ZBED6: variants seen among roughly 807,000 people sequenced by gnomAD.
The protein encoded by ZBED6 is zinc finger BED-type containing 6.
In ZBED6, 40 loss-of-function variants were observed where a neutral mutation model predicts 58.4. That is an observed-to-expected ratio of 0.68 (90% CI 0.53 to 0.89). ZBED6 has a LOEUF of 0.89. Among genes scored for constraint, ZBED6 ranks in the 40% least tolerant of loss-of-function variants. The pLI, the probability that ZBED6 is intolerant of heterozygous loss-of-function variation, is 0.00. For synonymous variants in ZBED6, 439 were observed against 350.6 expected (o/e 1.25, Z -2.82); for missense variants, 1,057 against 1,003.9 (o/e 1.05, Z -0.71).
intron 11 of ZBED6, among the ~76,000 whole-genome samples, chr1:203,842,869 T>C (rs1206192097): frequency 6.6e-6 from 1 of 151,594 alleles, no homozygotes; most frequent in East Asian, 1.9e-4. Flanking sequence ...CATAAGTATA[T>C]ATATGTACAG....
chr1:203,799,103 TAC>T lies in ZBED6; in HGVS notation c.1583_1584del (p.Thr528ArgfsTer4), dbSNP rs751095538. ...TTAGAAAGTGGGCAGTGCTTTGTGTTACAGGTTTGGCTAAAGACTGTTTGATA... is the reference window on the plus strand; with the variant it reads ...TTAGAAAGTGGGCAGTGCTTTGTGTTAGGTTTGGCTAAAGACTGTTTGATA... On this transcript the variant is annotated frameshift_variant, in exon 1 of 17. Transcript: ENST00000550078. LOFTEE classifies it high-confidence loss of function. 4 of 1,535,566 alleles carry T rather than the reference TAC, an allele frequency of 2.6e-6. No individual in the cohort carries two copies. Among genetic ancestry groups the T allele is most frequent in the Non-Finnish European group, 3.5e-6 (4 of 1,146,358 alleles).
chr1:203,831,611 A>G, intron 7 of ZBED6, 50 bp from the exon 8 acceptor site: 1 of 1,520,832 alleles, frequency 6.6e-7, no homozygotes, highest in Non-Finnish European at 9.0e-7. Context: ...GACTTGGGAT[A>G]GCATTATTTT....
chr1:203,826,200 A>C (rs1243602762), intron 3 of ZBED6, among the ~76,000 whole-genome samples: 1 of 152,196 alleles, frequency 6.6e-6, no homozygotes. Context: ...AATTCTTCCT[A>C]GTTCTTTGAA....
Position 203,847,691 on chromosome 1 carries a change from A to G in ZBED6, c.*4245+4A>G. ...CTGCGAATCACCAAAAGAACAGGTA[A>G]CAAGAGAACTTGGTCTCTAGTACCA... On this transcript the variant is annotated splice_donor_region_variant and intron_variant, in intron 12 of 16. Coordinates refer to ENST00000550078, the Ensembl canonical transcript of ZBED6. The G allele has an allele frequency of 1.2e-6, 2 of 1,610,578 alleles. No homozygotes were observed. Among genetic ancestry groups the G allele is most frequent in the Non-Finnish European group, 1.7e-6 (2 of 1,179,250 alleles).
At chr1:203,845,714 A>C (rs1260871252) in intron 11 of ZBED6, among the ~76,000 whole-genome samples, 3 of 152,024 alleles carry the variant, frequency 2.0e-5, no homozygotes, top group Non-Finnish European at 2.9e-5. Flanking sequence ...AAAATACAAA[A>C]ATTAGCCAGG....
chr1:203,833,191 A>C (rs1682974161), intron 8 of ZBED6, among the ~76,000 whole-genome samples: 1 of 152,080 alleles, frequency 6.6e-6, no homozygotes, highest in African/African-American at 2.4e-5. Context: ...AACGCGGTGA[A>C]ACCTTGTCTC....
chr1:203,841,552 T>A (rs1264717202), intron 11 of ZBED6, among the ~76,000 whole-genome samples: 29 of 152,262 alleles, frequency 1.9e-4, no homozygotes, highest in Admixed American at 1.7e-3. Context: ...CATGTCTACT[T>A]CTTTCTACAC....
chr1:203,837,926 ATTGACTTGAAATCTTAAAC>A, intron 9 of ZBED6, 21 bp from the exon 10 acceptor site: 2 of 1,580,282 alleles, frequency 1.3e-6, no homozygotes, highest in Non-Finnish European at 1.7e-6. Flanking sequence ...CTTGCTGAAG[ATTGACTTGAAATCTTAAAC>A]TAAGTTCTCC....
Position 203,846,598 on chromosome 1 carries a change from G to A in ZBED6, c.*3742-586G>A, listed in dbSNP as rs568446106. Among the ~76,000 whole-genome samples the A allele has an allele frequency of 6.0e-4, 91 of 152,238 alleles. 1 individual carries two copies. Among genetic ancestry groups the A allele is most frequent in the African/African-American group, 2.1e-3 (89 of 41,550 alleles). ...TCTGTTAGACTGTAAATTACATGTGGACAGAGATTTTATTTTGCTTACCAT... is the reference window on the plus strand; with the variant it reads ...TCTGTTAGACTGTAAATTACATGTGAACAGAGATTTTATTTTGCTTACCAT... On this transcript the variant is annotated intron_variant, in intron 11 of 16. Coordinates refer to ENST00000550078, the Ensembl canonical transcript of ZBED6.
At chr1:203,836,850 T>C (rs550493437) in intron 9 of ZBED6, among the ~76,000 whole-genome samples, 2 of 152,352 alleles carry the variant, frequency 1.3e-5, no homozygotes, top group African/African-American at 4.8e-5. Context: ...TTGGGTAAGA[T>C]ACAGAATATT....
chr1:203,840,415 T>C (rs1685733882), intron 11 of ZBED6, 41 bp downstream of exon 11: 1 of 1,588,834 alleles, frequency 6.3e-7, no homozygotes, highest in Non-Finnish European at 8.6e-7. Context: ...ATTTTTTTCT[T>C]TGCTGTAAGA....
At chr1:203,823,259 G>A (rs535282074) in intron 3 of ZBED6, among the ~76,000 whole-genome samples, 8 of 152,296 alleles carry the variant, frequency 5.3e-5, no homozygotes, top group Admixed American at 4.6e-4. Context: ...AAAAGACACT[G>A]GAGGAATCTG....
chr1:203,798,749 CAT>C lies in ZBED6; in HGVS notation c.1229_1230del (p.Ile410LysfsTer33), dbSNP rs1491012804. The stretch of plus-strand genomic sequence containing the variant: ...GTTGTGGAAATCCAGTCTCAAGTCA[CAT>C]AAGTCAGGCAATTATCCAAATGATT... On this transcript the variant is annotated frameshift_variant, in exon 1 of 17. Transcript: ENST00000550078. LOFTEE classifies it high-confidence loss of function. 1.3e-6 allele frequency: 2 copies of C among 1,536,154 alleles called. No individual in the cohort carries two copies. The highest frequency in any genetic ancestry group is 1.7e-6 in the Non-Finnish European group (2 of 1,146,906).
chr1:203,805,174 G>A (rs1671881691), intron 1 of ZBED6, among the ~76,000 whole-genome samples: 1 of 141,660 alleles, frequency 7.1e-6, no homozygotes, highest in Non-Finnish European at 1.5e-5. Context: ...ACAGAGTCTT[G>A]CTCTGTCGCC....
exon 17 of ZBED6, chr1:203,852,832 A>G (rs975073931): frequency 2.8e-5 from 5 of 176,418 alleles, no homozygotes; most frequent in African/African-American, 4.8e-5. Context: ...ACCATTAAGG[A>G]CCAAATTTTA....
At chr1:203,799,745 G>A (rs1366063114) in exon 1 of ZBED6, 7 of 810,328 alleles carry the variant, frequency 8.6e-6, no homozygotes, top group Admixed American at 8.0e-5. Context: ...CCCTCAATCT[G>A]GTGGATAGTT....
chr1:203,802,308 A>G (rs1036153940), exon 1 of ZBED6: 21 of 152,726 alleles, frequency 1.4e-4, no homozygotes, highest in African/African-American at 4.8e-4. Context: ...CAATAACTTC[A>G]TGATACTTTG....
At chr1:203,813,645 C>T (rs1558104723) in intron 1 of ZBED6, among the ~76,000 whole-genome samples, 1 of 152,106 alleles carries the variant, frequency 6.6e-6, no homozygotes, top group African/African-American at 2.4e-5. Context: ...TGTTGTCTCA[C>T]AATTCTGAAG....
At chr1:203,840,234 C>T in intron 10 of ZBED6, 72 bp from the exon 11 acceptor site, 1 of 1,482,474 alleles carries the variant, frequency 6.7e-7, no homozygotes, top group Non-Finnish European at 9.4e-7. Flanking sequence ...CCACCATGCC[C>T]AGCAAACCTG....
Sources: gnomAD v4.1 joint callset for allele counts (sites outside exome capture counted in the v4.1 genomes callset) on GRCh38, gnomAD v4.1.1 for gene constraint, MANE v1.5 for transcripts, NCBI Gene and HGNC (gene_info 2026-07-23, HGNC 2026-07-21) for gene names.